The following ZNF521 variants were observed in gnomAD, a reference collection of about 807,000 sequenced individuals.
ZNF521 encodes the protein zinc finger protein 521.
Under a neutral mutation model 105.5 loss-of-function variants are expected in ZNF521, and 14 were observed. The observed-to-expected ratio is 0.13, with a 90% CI of 0.09 to 0.21. The LOEUF is 0.21. Among genes scored for constraint, ZNF521 ranks in the 10% least tolerant of loss-of-function variants. The probability of loss-of-function intolerance (pLI) is 1.00; values close to 1 mark genes in which losing one functional copy is unlikely to be tolerated. For missense variants in ZNF521, 1,233 were observed against 1,629.7 expected, an observed-to-expected ratio of 0.76 and a Z score of 4.19; for synonymous variants, 635 against 606.0, an observed-to-expected ratio of 1.05 and a Z score of -0.70.
chr18:25,088,016 C>T (rs1376662748), intron 7 of ZNF521, among the ~76,000 whole-genome samples: 3 of 151,976 alleles, frequency 2.0e-5, no homozygotes, highest in Non-Finnish European at 2.9e-5. Context: ...ACGAAGTTGC[C>T]CCAGGACCCA....
chr18:25,175,559 A>G (rs1283203157), intron 5 of ZNF521, among the ~76,000 whole-genome samples: 1 of 152,210 alleles, frequency 6.6e-6, no homozygotes, highest in African/African-American at 2.4e-5. Context: ...TATTGCTGTT[A>G]ATGAGCCTCA....
At chr18:25,331,616 C>T (rs1598482122) in intron 2 of ZNF521, among the ~76,000 whole-genome samples, 1 of 152,188 alleles carries the variant, frequency 6.6e-6, no homozygotes. Context: ...CATACTAATA[C>T]TTACACCAAC....
intron 7 of ZNF521, among the ~76,000 whole-genome samples, chr18:25,080,588 T>A (rs2033472157): frequency 6.6e-6 from 1 of 152,232 alleles, no homozygotes; most frequent in African/African-American, 2.4e-5. Context: ...TTTCTCCAAA[T>A]GCACAGCAGC....
chr18:25,100,080 TTTTC>T (rs1051425596), intron 5 of ZNF521, among the ~76,000 whole-genome samples: 44 of 152,042 alleles, frequency 2.9e-4, no homozygotes, highest in African/African-American at 1.9e-4. Flanking sequence ...CCTTTTCTTT[TTTTC>T]TTTCTTTCTT....
At chr18:25,234,995 C>G (rs1199284627) in intron 3 of ZNF521, among the ~76,000 whole-genome samples, 7 of 151,812 alleles carry the variant, frequency 4.6e-5, no homozygotes. Context: ...AATAAACAAA[C>G]AAAAATATTC....
At chr18:25,243,108 G>T (rs533982274) in intron 3 of ZNF521, among the ~76,000 whole-genome samples, 1 of 152,232 alleles carries the variant, frequency 6.6e-6, no homozygotes, top group Non-Finnish European at 1.5e-5. Flanking sequence ...TGTAGATTTT[G>T]GAATGCTTCA....
At chr18:25,266,174 C>A (rs1225671366) in intron 3 of ZNF521, among the ~76,000 whole-genome samples, 1 of 152,114 alleles carries the variant, frequency 6.6e-6, no homozygotes, top group East Asian at 1.9e-4. Flanking sequence ...ATATTTTAAA[C>A]TAACTTATAA....
intron 5 of ZNF521, among the ~76,000 whole-genome samples, chr18:25,164,836 T>C (rs919581946): frequency 6.6e-6 from 1 of 152,250 alleles, no homozygotes. Flanking sequence ...TATTTGTTTT[T>C]GTGTAATCAG....
intron 7 of ZNF521, among the ~76,000 whole-genome samples, chr18:25,074,071 T>C (rs2033297138): frequency 6.8e-6 from 1 of 147,262 alleles, no homozygotes; most frequent in Non-Finnish European, 1.5e-5. Flanking sequence ...CGCACGCGTG[T>C]GTGCGTGCGT....
At chr18:25,118,949 G>A (rs2034381780) in intron 5 of ZNF521, among the ~76,000 whole-genome samples, 1 of 152,066 alleles carries the variant, frequency 6.6e-6, no homozygotes, top group Non-Finnish European at 1.5e-5. Flanking sequence ...TACGAATACA[G>A]TAAGCATGAG....
intron 2 of ZNF521, among the ~76,000 whole-genome samples, chr18:25,331,921 T>C (rs1358766065): frequency 1.4e-5 from 2 of 143,162 alleles, no homozygotes; most frequent in Non-Finnish European, 3.0e-5. Flanking sequence ...ATTTAGGAAA[T>C]TCCTCTCCTT....
chr18:25,345,831 G>C (rs976796987), intron 2 of ZNF521, among the ~76,000 whole-genome samples: 1 of 152,190 alleles, frequency 6.6e-6, no homozygotes, highest in Non-Finnish European at 1.5e-5. Flanking sequence ...AAGAACATTT[G>C]CAAGTGTCTG....
intron 2 of ZNF521, among the ~76,000 whole-genome samples, chr18:25,346,639 T>TAA (rs1403085153): frequency 6.6e-6 from 1 of 152,154 alleles, no homozygotes; most frequent in African/African-American, 2.4e-5. Flanking sequence ...TAAAATAAAA[T>TAA]AAACCTTCCT....
At position 25,224,348 on chromosome 18, in the gene ZNF521, A is replaced by T. The variant is rs1321249079; in HGVS notation, c.3570T>A (p.Asp1190Glu). 1 of 1,604,250 alleles carries T rather than the reference A, an allele frequency of 6.2e-7. No homozygotes were observed. Residue 1190 changes from aspartate (D) to glutamate (E), a missense_variant, in exon 4 of 8, where the codon GAT becomes GAA. By Grantham distance (45) the Asp-to-Glu change is conservative. Transcript: ENST00000361524. ...PMPRISPSQS[D>E]EKKTYQCIKC... ...AACATTAAAAAAGGCGAGTTACCTC[A>T]TCCGACTGGGAGGGACTGATTCTGG... is the stretch of plus-strand genomic sequence containing the variant.
intron 5 of ZNF521, among the ~76,000 whole-genome samples, chr18:25,136,243 C>G (rs1184318915): frequency 6.6e-6 from 1 of 152,060 alleles, no homozygotes; most frequent in Admixed American, 6.6e-5. Context: ...ATGTTCATGC[C>G]AATTTGTTTA....
At chr18:25,247,126 G>A (rs1307764496) in intron 3 of ZNF521, among the ~76,000 whole-genome samples, 1 of 152,136 alleles carries the variant, frequency 6.6e-6, no homozygotes, top group Non-Finnish European at 1.5e-5. Flanking sequence ...AGGCACAGCA[G>A]ATACAAAGTT....
At chr18:25,211,113 G>T (rs1183650443) in intron 4 of ZNF521, among the ~76,000 whole-genome samples, 1 of 152,018 alleles carries the variant, frequency 6.6e-6, no homozygotes, top group African/African-American at 2.4e-5. Context: ...AATAACAAGA[G>T]AAAAAAGATT....
chr18:25,242,407 T>C (rs1200202110), intron 3 of ZNF521, among the ~76,000 whole-genome samples: 1 of 152,178 alleles, frequency 6.6e-6, no homozygotes, highest in African/African-American at 2.4e-5. Context: ...ATCAAAAAGT[T>C]CAAAGATCAT....
intron 7 of ZNF521, among the ~76,000 whole-genome samples, chr18:25,082,418 G>A (rs751699318): frequency 7.9e-5 from 12 of 152,112 alleles, no homozygotes; most frequent in Non-Finnish European, 1.5e-4. Flanking sequence ...ATAGGACCCG[G>A]ATATGCCAGA....
Sources: allele counts gnomAD v4.1 joint callset (sites outside exome capture counted in the v4.1 genomes callset), GRCh38; gene constraint gnomAD v4.1.1; transcripts MANE v1.5; gene names NCBI Gene and HGNC (gene_info 2026-07-23, HGNC 2026-07-21).